Variants in NBN observed in about 807,000 individuals in gnomAD.
The protein encoded by NBN is Nijmegen breakage syndrome 1 (nibrin).
NBN carries 88 observed loss-of-function variants against 90.8 expected under a neutral mutation model. That is an observed-to-expected ratio of 0.97 (90% confidence interval 0.82 to 1.16). The LOEUF is 1.16. Among genes scored for constraint, NBN ranks in the 50% most tolerant of loss-of-function variants. NBN has a pLI of 0.00. For synonymous variants in NBN, 328 were observed against 295.1 expected (o/e 1.11, Z -1.14); for missense variants, 894 against 869.6 (o/e 1.03, Z -0.35).
Position 89,984,629 on chromosome 8 carries a change from T to C in NBN, c.-68A>G. The C allele has an allele frequency of 4.4e-6, 7 of 1,595,622 alleles. No homozygotes were observed. The highest frequency in any genetic ancestry group is 1.1e-5 in the South Asian group (1 of 88,918). On this transcript the variant is annotated 5_prime_UTR_variant, in exon 1 of 16. Transcript: ENST00000265433. ...ACCGGGGCTGCTAGACGAGCGCGGA[T>C]ACGGCGCCTGCGGTCGGCATGGGCT...
chr8:89,984,219 C>T (rs1812216120), intron 1 of NBN: 1 of 507,396 alleles, frequency 2.0e-6, no homozygotes, highest in Admixed American at 3.4e-5. Flanking sequence ...CGCAGGCCAT[C>T]CAGCCCTAGC....
chr8:89,978,172 T>C, intron 5 of NBN, 48 bp downstream of exon 5: 1 of 1,467,422 alleles, frequency 6.8e-7, no homozygotes, highest in African/African-American at 1.4e-5. Flanking sequence ...TAAAAATCAA[T>C]GCTATCATAT....
Position 89,935,428 on chromosome 8 carries a change from G to C in NBN, c.*154C>G, listed in dbSNP as rs1422783349. On this transcript the variant is annotated 3_prime_UTR_variant, in exon 16 of 16. Coordinates refer to ENST00000265433, the MANE Select transcript of NBN (RefSeq NM_002485.5). ...GAACAAACAATTGTTACATACAAAA[G>C]AATCAAAGTTTTGTGCATTTTATTT... 3 of 835,068 alleles carry C rather than the reference G, an allele frequency of 3.6e-6. No individual in the cohort carries two copies. The highest frequency in any genetic ancestry group is 5.7e-6 in the Non-Finnish European group (3 of 529,450). The allele number at this position is 835,068 out of a possible 1,614,324, so 51.7% of individuals were successfully genotyped here.
At chr8:89,982,927 A>G in intron 1 of NBN, 72 bp from the exon 2 acceptor site, 1 of 1,436,466 alleles carries the variant, frequency 7.0e-7, no homozygotes, top group Non-Finnish European at 9.7e-7. Flanking sequence ...ACACACATAC[A>G]TGTAAGTGTA....
intron 12 of NBN, 59 bp downstream of exon 12, chr8:89,947,765 G>A: frequency 1.1e-6 from 1 of 925,044 alleles, no homozygotes; most frequent in Non-Finnish European, 1.7e-6. Flanking sequence ...CACAAAAATT[G>A]ATGAGATGAC....
chr8:89,981,471 C>G lies in NBN; in HGVS notation c.224G>C (p.Gly75Ala), dbSNP rs587782179. The G allele has an allele frequency of 3.7e-5, 59 of 1,613,338 alleles. No homozygotes were observed. Among genetic ancestry groups the G allele is most frequent in the Non-Finnish European group, 4.5e-5 (53 of 1,179,450 alleles). ...VLTLKDNSKY[G>A]TFVNEEKMQN... ...CATTTTTTCCTCATTAACAAAGGTA[C>G]CATACTTAGAATTATCTTTTAATGT... Residue 75 changes from glycine (G) to alanine (A), a missense_variant, in exon 3 of 16, where the codon GGT (glycine) becomes GCT (alanine). Gly to Ala is a moderately conservative substitution (Grantham distance 60). Coordinates refer to ENST00000265433, the MANE Select transcript of NBN (RefSeq NM_002485.5).
rs1011152146 is a variant in NBN at position 89,934,871 on chromosome 8, G to T, written c.*711C>A. The T allele has an allele frequency of 1.3e-5, 3 of 232,608 alleles. No individual in the cohort carries two copies. In the Admixed American group the frequency reaches 1.7e-4, roughly 13 times the overall value. The allele number at this position is 232,608 out of a possible 1,614,324, so 14.4% of individuals were successfully genotyped here. ...TAAGCTCAAAACAGACACCCACCCA[G>T]CTCAGTAAGACCACCAAAAAGGGGT... On this transcript the variant is annotated 3_prime_UTR_variant, in exon 16 of 16. Transcript: ENST00000265433.
At chr8:89,945,279 G>A (rs1810136388) in intron 13 of NBN, among the ~76,000 whole-genome samples, 1 of 152,172 alleles carries the variant, frequency 6.6e-6, no homozygotes, top group African/African-American at 2.4e-5. Context: ...AAACAAAAAG[G>A]TATAGTGGTG....
chr8:89,977,864 G>A (rs897917147), intron 5 of NBN, among the ~76,000 whole-genome samples: 13 of 152,168 alleles, frequency 8.5e-5, no homozygotes, highest in East Asian at 3.8e-4. Flanking sequence ...TATGTGGCTT[G>A]CAAAGAGGGC....
chr8:89,955,920 T>C (rs1413316220), intron 9 of NBN, among the ~76,000 whole-genome samples: 2 of 151,896 alleles, frequency 1.3e-5, no homozygotes, highest in Non-Finnish European at 2.9e-5. Context: ...GTAAAATCAC[T>C]ATTATGGTAC....
At chr8:89,935,910 A>G (rs2130736444) in intron 15 of NBN, among the ~76,000 whole-genome samples, 1 of 152,254 alleles carries the variant, frequency 6.6e-6, no homozygotes, top group African/African-American at 2.4e-5. Context: ...TTCTTTCTGT[A>G]TGGCTTCAAA....
At chr8:89,981,684 T>C in intron 2 of NBN, 161 bp from the exon 3 acceptor site, 2 of 707,068 alleles carry the variant, frequency 2.8e-6, no homozygotes, top group East Asian at 2.7e-5. Flanking sequence ...ATCACTCAAC[T>C]AACAATTCAT....
At chr8:89,946,631 C>T in intron 12 of NBN, 1 of 266,478 alleles carries the variant, frequency 3.8e-6, no homozygotes, top group South Asian at 4.2e-5. Context: ...CTTATTGACA[C>T]AAAATCTCAG....
rs2272581 is a variant in NBN, at chr8:89,971,157, C to G, written c.702+16G>C. 233 of 1,607,574 alleles carry G rather than the reference C, an allele frequency of 1.4e-4. No homozygotes were observed. In the East Asian group the frequency reaches 5.1e-3, roughly 35 times the overall value. ...TAATGTATTCTTTAGGAAAATTTAG[C>G]TTATAACATAATTACCTGTTTGGCA... is the stretch of plus-strand genomic sequence containing the variant. On this transcript the variant is annotated intron_variant, in intron 6 of 15. Coordinates refer to ENST00000265433, the MANE Select transcript of NBN (RefSeq NM_002485.5).
At chr8:89,962,373 G>A (rs1811031232) in intron 8 of NBN, among the ~76,000 whole-genome samples, 1 of 152,180 alleles carries the variant, frequency 6.6e-6, no homozygotes, top group South Asian at 2.1e-4. Flanking sequence ...TATGTTTGTT[G>A]TAATTAAAGT....
chr8:89,979,481 C>T (rs1325256904), intron 4 of NBN, among the ~76,000 whole-genome samples: 1 of 152,114 alleles, frequency 6.6e-6, no homozygotes, highest in East Asian at 1.9e-4. Context: ...TGGTCCATGC[C>T]TCAGTTTACA....
intron 12 of NBN, among the ~76,000 whole-genome samples, chr8:89,947,593 C>T (rs1218468236): frequency 6.6e-6 from 1 of 152,090 alleles, no homozygotes; most frequent in African/African-American, 2.4e-5. Context: ...CACACCATTG[C>T]ATTCCAGCCT....
intron 8 of NBN, 26 bp from the exon 9 acceptor site, chr8:89,958,880 A>C: frequency 6.2e-7 from 1 of 1,612,512 alleles, no homozygotes; most frequent in Non-Finnish European, 8.5e-7. Flanking sequence ...GTAGAAAGAA[A>C]GAATCACAAC....
chr8:89,939,503 T>A (rs1033078270), intron 14 of NBN, among the ~76,000 whole-genome samples: 5 of 152,080 alleles, frequency 3.3e-5, no homozygotes, highest in African/African-American at 9.7e-5. Flanking sequence ...ACTTCTCCCA[T>A]CTAAAATTAA....
Sources: allele counts gnomAD v4.1 joint callset (sites outside exome capture counted in the v4.1 genomes callset), GRCh38; gene constraint gnomAD v4.1.1; transcripts MANE v1.5; gene names NCBI Gene and HGNC (gene_info 2026-07-23, HGNC 2026-07-21).